The following ANK2 variants were observed in gnomAD, a reference collection of about 807,000 sequenced individuals.
ANK2 encodes ankyrin 2, also known as ankyrin-2.
ANK2 carries 83 observed loss-of-function variants against 360.5 expected under a neutral mutation model. The ratio of observed to expected loss-of-function variants is 0.23; its 90% CI spans 0.19 to 0.28. The LOEUF is 0.28. Ranked by LOEUF, ANK2 falls within the 10% of genes least tolerant of loss-of-function variation. The pLI, the probability that ANK2 is intolerant of heterozygous loss-of-function variation, is 1.00. For synonymous variants in ANK2, 1,740 were observed against 1,759.5 expected (o/e 0.99, Z 0.28); for missense variants, 4,201 against 4,795.7 (o/e 0.88, Z 3.66).
chr4:112,943,359 C>G (rs1038992643), intron 2 of ANK2, among the ~76,000 whole-genome samples: 2 of 151,944 alleles, frequency 1.3e-5, no homozygotes, highest in African/African-American at 4.8e-5. Context: ...CTCTCTCCAT[C>G]CCTTCTTTCT....
At chr4:113,337,060 A>C (rs2093634633) in intron 31 of ANK2, among the ~76,000 whole-genome samples, 1 of 152,224 alleles carries the variant, frequency 6.6e-6, no homozygotes, top group Non-Finnish European at 1.5e-5. Context: ...GCTGAGAAGG[A>C]AACCATGGTT....
chr4:112,819,060 A>G (rs1268347513), intron 1 of ANK2, among the ~76,000 whole-genome samples: 2 of 152,238 alleles, frequency 1.3e-5, no homozygotes, highest in Non-Finnish European at 2.9e-5. Flanking sequence ...CTCATGCATC[A>G]GGAATGATTC....
intron 1 of ANK2, among the ~76,000 whole-genome samples, chr4:113,126,779 T>A (rs2095687581): frequency 6.6e-6 from 1 of 152,182 alleles, no homozygotes; most frequent in Non-Finnish European, 1.5e-5. Flanking sequence ...TCATACTCAG[T>A]CTTTCAACAC....
chr4:113,257,829 C>A lies in ANK2; in HGVS notation c.1189-221C>A, dbSNP rs79396076. ...TCTTCACTTTTGTTTTCCCTGTAAC[C>A]ACACAAACAGAATTACGTACAGGCC... On this transcript the variant is annotated intron_variant, in intron 11 of 45. Coordinates refer to ENST00000357077, the MANE Select transcript of ANK2 (RefSeq NM_001148.6). 2.6e-3 allele frequency among the ~76,000 whole-genome samples: 396 copies of A among 152,292 alleles called. 2 individuals are homozygous for A. The highest frequency in any genetic ancestry group is 8.9e-3 in the African/African-American group (371 of 41,558).
chr4:112,788,213 G>A, the ANK2 span: 20 of 1,590,134 alleles, frequency 1.3e-5, no homozygotes, highest in South Asian at 5.5e-5. Flanking sequence ...ATTGTAATTG[G>A]TCCTGATAGC....
chr4:113,373,208 A>T, intron 44 of ANK2, 35 bp downstream of exon 44: 1 of 1,612,872 alleles, frequency 6.2e-7, no homozygotes, highest in Non-Finnish European at 8.5e-7. Context: ...GGTTGATTAC[A>T]AACTTCCTGT....
chr4:112,862,746 G>A (rs2068559131), intron 1 of ANK2, among the ~76,000 whole-genome samples: 1 of 151,984 alleles, frequency 6.6e-6, no homozygotes, highest in South Asian at 2.1e-4. Context: ...TAAGGCATGA[G>A]ATAAATGTTT....
intron 2 of ANK2, among the ~76,000 whole-genome samples, chr4:112,955,553 A>T (rs994960964): frequency 1.3e-5 from 2 of 151,110 alleles, no homozygotes; most frequent in East Asian, 3.9e-4. Flanking sequence ...TTTTTTTTTT[A>T]AATGAATGTG....
intron 22 of ANK2, among the ~76,000 whole-genome samples, chr4:113,299,337 A>C (rs565319588): frequency 6.6e-6 from 1 of 152,298 alleles, no homozygotes; most frequent in East Asian, 1.9e-4. Context: ...ACTCTAAAAC[A>C]TTTCTGCAAA....
At chr4:113,207,686 C>CAAAAAAAAAAAAAAA (rs34818513) in intron 4 of ANK2, among the ~76,000 whole-genome samples, 4 of 101,650 alleles carry the variant, frequency 3.9e-5, no homozygotes, top group Admixed American at 1.1e-4. Flanking sequence ...GATCACAAAG[C>CAAAAAAAAAAAAAAA]AAAAAAAAAA....
rs2083676116 is a variant in ANK2, at chr4:113,317,738, A to G, written c.2725A>G (p.Thr909Ala). ...LRSFSSDRSH[T>A]LSHASYLRDS... The stretch of plus-strand genomic sequence containing the variant: ...ATCCTTCAGTTCCGACAGGTCTCAC[A>G]CTCTGAGCCATGCCTCCTACCTGAG... The change falls in exon 25 of 46, where the codon ACT (threonine) becomes GCT (alanine). Residue 909 changes from threonine to alanine, a missense_variant. Thr to Ala is a moderately conservative substitution (Grantham distance 58). Around this residue, in one of 4 missense-constraint regions of ANK2, gnomAD observed 1,268 missense variants for 1,650.8 expected, o/e 0.77. Transcript: ENST00000357077. 6.2e-7 allele frequency: 1 copy of G among 1,613,680 alleles called. No individual in the cohort carries two copies. The highest frequency in any genetic ancestry group is 1.1e-5 in the South Asian group (1 of 91,052).
chr4:113,216,309 T>C (rs1251166688), intron 4 of ANK2, among the ~76,000 whole-genome samples: 1 of 152,222 alleles, frequency 6.6e-6, no homozygotes, highest in African/African-American at 2.4e-5. Flanking sequence ...ATAAACACTT[T>C]CTCGAAGCCT....
intron 1 of ANK2, among the ~76,000 whole-genome samples, chr4:113,079,231 T>C (rs1393091126): frequency 6.6e-6 from 1 of 152,360 alleles, no homozygotes; most frequent in East Asian, 1.9e-4. Flanking sequence ...TGTTTTATTA[T>C]GCTCTTTGTT....
the ANK2 span, among the ~76,000 whole-genome samples, chr4:112,740,612 G>A: frequency 3.3e-5 from 5 of 151,832 alleles, no homozygotes; most frequent in Admixed American, 2.6e-4. Context: ...GCTGAGGCAG[G>A]AGAATTGCTT....
At chr4:113,305,282 G>A (rs1175324484) in intron 23 of ANK2, among the ~76,000 whole-genome samples, 2 of 139,618 alleles carry the variant, frequency 1.4e-5, no homozygotes, top group African/African-American at 2.7e-5. Flanking sequence ...GGAGCTTGCA[G>A]TGAGCCGAGA....
At chr4:113,134,868 G>T (rs552124661) in intron 1 of ANK2, among the ~76,000 whole-genome samples, 3 of 152,254 alleles carry the variant, frequency 2.0e-5, no homozygotes, top group Admixed American at 2.0e-4. Context: ...ATCAAAATAT[G>T]AAGTCAGATC....
rs1303420613 is a variant in ANK2, at chr4:113,331,979, C to T, written c.3133C>T (p.His1045Tyr). 1.2e-6 allele frequency: 2 copies of T among 1,613,948 alleles called. No individual in the cohort carries two copies. The highest frequency in any genetic ancestry group is 1.7e-5 in the Admixed American group (1 of 60,026). The change falls in exon 28 of 46, where the codon CAC becomes TAC. Residue 1045 changes from histidine to tyrosine, a missense_variant. His to Tyr is a moderately conservative substitution (Grantham distance 83, BLOSUM62 2). This residue lies in a region of ANK2 where 1,268 missense variants were observed against 1,650.8 expected (regional missense o/e 0.77). Coordinates refer to ENST00000357077, the MANE Select transcript of ANK2 (RefSeq NM_001148.6). ...TGCTTTGGATGTACTCAGTAAACTT[C>T]ACCTGCCAACGGCTCCTCCCCCACT... ...PSGAQFLGKL[H>Y]LPTAPPPLNE...
At chr4:113,098,998 G>A (rs1454644191) in intron 1 of ANK2, among the ~76,000 whole-genome samples, 1 of 151,772 alleles carries the variant, frequency 6.6e-6, no homozygotes, top group Non-Finnish European at 1.5e-5. Context: ...AGGAACTGAG[G>A]GGAACTTCCT....
At chr4:112,717,561 A>G in the ANK2 span, among the ~76,000 whole-genome samples, 1 of 152,156 alleles carries the variant, frequency 6.6e-6, no homozygotes, top group African/African-American at 2.4e-5. Context: ...TTTCAGAGTA[A>G]TAGACATATT....
Sources: gnomAD v4.1 joint callset for allele counts (sites outside exome capture counted in the v4.1 genomes callset) on GRCh38, gnomAD v4.1.1 for gene constraint, gnomAD v4.1.1 regional missense constraint, MANE v1.5 for transcripts, NCBI Gene and HGNC (gene_info 2026-07-23, HGNC 2026-07-21) for gene names.